Variants in UNC5D observed in about 807,000 individuals in gnomAD.
The protein encoded by UNC5D is unc-5 netrin receptor D, also known as netrin receptor UNC5D.
In UNC5D, 39 loss-of-function variants were observed where a neutral mutation model predicts 105.4. The ratio of observed to expected loss-of-function variants is 0.37; its 90% CI spans 0.29 to 0.48. The LOEUF is 0.48. Ranked by LOEUF, UNC5D falls within the 20% of genes least tolerant of loss-of-function variation. The pLI, the probability that UNC5D is intolerant of heterozygous loss-of-function variation, is 0.98. For missense variants in UNC5D, 991 were observed against 1,202.4 expected (o/e 0.82, Z 2.60); for synonymous variants, 452 against 450.4 (o/e 1.00, Z -0.04).
At chr8:35,721,348 A>G in intron 8 of UNC5D, 1 of 693,402 alleles carries the variant, frequency 1.4e-6, no homozygotes, top group Non-Finnish European at 2.6e-6. Context: ...GCACCTCTAG[A>G]AAAAAGGGTG....
chr8:35,252,040 T>C (rs937980543), intron 1 of UNC5D, among the ~76,000 whole-genome samples: 17 of 145,606 alleles, frequency 1.2e-4, no homozygotes, highest in Non-Finnish European at 2.6e-4. Context: ...TTTTTTTTTT[T>C]TGAGATGGAG....
chr8:35,401,568 G>A (rs774156114), intron 1 of UNC5D, among the ~76,000 whole-genome samples: 1 of 152,138 alleles, frequency 6.6e-6, no homozygotes, highest in Admixed American at 6.5e-5. Flanking sequence ...CTCCTTGCCT[G>A]TCTTTTATTT....
At chr8:35,412,476 A>G (rs528458560) in intron 1 of UNC5D, among the ~76,000 whole-genome samples, 1 of 152,106 alleles carries the variant, frequency 6.6e-6, no homozygotes, top group African/African-American at 2.4e-5. Flanking sequence ...ACAAAAAAAA[A>G]AAAGCACTGA....
At chr8:35,559,166 C>T (rs1727995295) in intron 2 of UNC5D, among the ~76,000 whole-genome samples, 1 of 152,008 alleles carries the variant, frequency 6.6e-6, no homozygotes, top group Non-Finnish European at 1.5e-5. Context: ...ATAATGTGAA[C>T]AAGGAGGTAC....
At position 35,299,936 on chromosome 8, in the gene UNC5D, T is replaced by C. The variant is rs959351256; in HGVS notation, c.103+64049T>C. Among the ~76,000 whole-genome samples, 4 of 152,290 alleles carry C rather than the reference T, an allele frequency of 2.6e-5. No homozygotes were observed. The East Asian group carries it at 7.7e-4, about 29-fold the overall frequency. On this transcript the variant is annotated intron_variant, in intron 1 of 16. Coordinates refer to ENST00000404895, the MANE Select transcript of UNC5D (RefSeq NM_080872.4). Reference sequence around the variant, plus strand: ...AAGGCAAAGTGCAGAAGGGTTACTCTGAGATATTCCTTACTTAATAAAATA... The same window carrying C: ...AAGGCAAAGTGCAGAAGGGTTACTCCGAGATATTCCTTACTTAATAAAATA...
chr8:35,677,477 T>C (rs1428013163), intron 4 of UNC5D, among the ~76,000 whole-genome samples: 1 of 152,078 alleles, frequency 6.6e-6, no homozygotes, highest in Non-Finnish European at 1.5e-5. Flanking sequence ...AATTTTTTTT[T>C]CCTATTTTAT....
intron 1 of UNC5D, among the ~76,000 whole-genome samples, chr8:35,417,010 G>A (rs979881025): frequency 6.6e-6 from 1 of 152,044 alleles, no homozygotes; most frequent in Non-Finnish European, 1.5e-5. Flanking sequence ...TTTTGATACA[G>A]GCATGCAATA....
intron 1 of UNC5D, among the ~76,000 whole-genome samples, chr8:35,347,601 G>T (rs1811897782): frequency 6.6e-6 from 1 of 151,832 alleles, no homozygotes; most frequent in Non-Finnish European, 1.5e-5. Context: ...TTTAGGATTT[G>T]GTTGGAAGGT....
chr8:35,276,291 T>TC (rs904853773), intron 1 of UNC5D, among the ~76,000 whole-genome samples: 97 of 152,200 alleles, frequency 6.4e-4, no homozygotes, highest in African/African-American at 2.3e-3. Flanking sequence ...GTTTTTTTTC[T>TC]CCCCCCTAAC....
chr8:35,563,806 G>A (rs951902408), intron 2 of UNC5D, among the ~76,000 whole-genome samples: 3 of 151,882 alleles, frequency 2.0e-5, no homozygotes, highest in Non-Finnish European at 2.9e-5. Flanking sequence ...ATAATTTTTC[G>A]AGGTTTTTAT....
rs978460937 is a variant in UNC5D at position 35,740,654 on chromosome 8, C to T, written c.1767-7873C>T. The stretch of plus-strand genomic sequence containing the variant: ...ATGAGTGCAGTCTTAATTCCCATGC[C>T]GACATTTTAATTTAAACTCCAGGTT... On this transcript the variant is annotated intron_variant, in intron 11 of 16. Transcript: ENST00000404895. 7.2e-5 allele frequency among the ~76,000 whole-genome samples: 11 copies of T among 152,106 alleles called. No homozygotes were observed. The East Asian group carries it at 1.2e-3, about 16-fold the overall frequency.
intron 1 of UNC5D, among the ~76,000 whole-genome samples, chr8:35,269,556 T>A (rs911351396): frequency 2.0e-5 from 3 of 152,222 alleles, no homozygotes; most frequent in Admixed American, 2.0e-4. Context: ...AGTTTTCTCG[T>A]TTATCTTTCC....
At chr8:35,688,505 G>A (rs1344405720) in intron 7 of UNC5D, among the ~76,000 whole-genome samples, 1 of 152,092 alleles carries the variant, frequency 6.6e-6, no homozygotes, top group African/African-American at 2.4e-5. Flanking sequence ...GCCTTTATTT[G>A]CTAGTACAAG....
chr8:35,388,782 A>T (rs909349544), intron 1 of UNC5D, among the ~76,000 whole-genome samples: 1 of 152,222 alleles, frequency 6.6e-6, no homozygotes, highest in Non-Finnish European at 1.5e-5. Flanking sequence ...AATAGTTGTT[A>T]TCTTTGGCTT....
intron 8 of UNC5D, among the ~76,000 whole-genome samples, chr8:35,713,130 A>G (rs1481035170): frequency 6.6e-6 from 1 of 151,966 alleles, no homozygotes; most frequent in East Asian, 1.9e-4. Flanking sequence ...ATTTTCAATG[A>G]TTTTGCTGAC....
At chr8:35,334,488 G>A (rs551448657) in intron 1 of UNC5D, among the ~76,000 whole-genome samples, 1 of 151,644 alleles carries the variant, frequency 6.6e-6, no homozygotes, top group East Asian at 1.9e-4. Context: ...TTTTTTTTTG[G>A]TATAATTAAC....
intron 9 of UNC5D, among the ~76,000 whole-genome samples, chr8:35,725,787 C>T (rs1242668889): frequency 6.6e-6 from 1 of 152,174 alleles, no homozygotes; most frequent in Non-Finnish European, 1.5e-5. Context: ...CATCTCTCCC[C>T]CCTCTTTTTT....
At chr8:35,557,103 G>T (rs1319744075) in intron 2 of UNC5D, among the ~76,000 whole-genome samples, 2 of 152,220 alleles carry the variant, frequency 1.3e-5, no homozygotes, top group African/African-American at 2.4e-5. Context: ...ACGGGAGTAA[G>T]TCATTCATGG....
chr8:35,520,554 T>C (rs143106446), intron 1 of UNC5D, among the ~76,000 whole-genome samples: 170 of 152,234 alleles, frequency 1.1e-3, no homozygotes, highest in African/African-American at 4.0e-3. Context: ...GTGAATTATA[T>C]GGTATGTGGG....
Sources: gnomAD v4.1 joint callset for allele counts (sites outside exome capture counted in the v4.1 genomes callset) on GRCh38, gnomAD v4.1.1 for gene constraint, MANE v1.5 for transcripts, NCBI Gene and HGNC (gene_info 2026-07-23, HGNC 2026-07-21) for gene names.